FBXW11: variants seen among roughly 807,000 people sequenced by gnomAD.
FBXW11 encodes F-box/WD repeat-containing protein 11.
Under a neutral mutation model 77.6 loss-of-function variants are expected in FBXW11, and 19 were observed. The observed-to-expected ratio is 0.24, with a 90% CI of 0.17 to 0.36. The LOEUF is 0.36. Among genes scored for constraint, FBXW11 ranks in the 10% least tolerant of loss-of-function variants. FBXW11 has a pLI of 1.00. For missense variants in FBXW11, 334 were observed against 704.2 expected, an observed-to-expected ratio of 0.47 and a Z score of 5.95; for synonymous variants, 235 against 249.4, an observed-to-expected ratio of 0.94 and a Z score of 0.54.
chr5:171,982,564 G>C (rs188182645), intron 1 of FBXW11, among the ~76,000 whole-genome samples: 155 of 152,326 alleles, frequency 1.0e-3, no homozygotes, highest in African/African-American at 3.6e-3. Flanking sequence ...CGCCCAGCCA[G>C]AAGGGCTAAA....
chr5:171,893,820 T>G (rs1279226104), intron 6 of FBXW11, among the ~76,000 whole-genome samples: 1 of 152,162 alleles, frequency 6.6e-6, no homozygotes, highest in Non-Finnish European at 1.5e-5. Context: ...ATATGTCAAG[T>G]GTTATCAAGC....
intron 7 of FBXW11, among the ~76,000 whole-genome samples, chr5:171,885,545 T>C (rs1190831035): frequency 2.6e-5 from 4 of 152,226 alleles, no homozygotes; most frequent in African/African-American, 9.6e-5. Flanking sequence ...CTAAGTAGAA[T>C]GGTTGATTTT....
intron 1 of FBXW11, among the ~76,000 whole-genome samples, chr5:171,990,292 T>C (rs1016879363): frequency 2.0e-5 from 3 of 152,156 alleles, no homozygotes; most frequent in African/African-American, 7.2e-5. Context: ...TTTTTCATAA[T>C]AAAAAGTTAA....
intron 7 of FBXW11, among the ~76,000 whole-genome samples, chr5:171,887,493 T>A (rs1419602479): frequency 6.6e-6 from 1 of 151,712 alleles, no homozygotes; most frequent in Non-Finnish European, 1.5e-5. Flanking sequence ...CTACAATCTA[T>A]CTCTCCAGTT....
chr5:171,916,102 AGG>A lies in FBXW11; in HGVS notation c.148-1699_148-1698del, dbSNP rs1581196471. ...CTGGGGCCTGTCGTGGGGTGGGGGG[AGG>A]TGGGGGGATAGCATTAGGAGATATA... is the stretch of plus-strand genomic sequence containing the variant. On this transcript the variant is annotated intron_variant, in intron 2 of 13. Transcript: ENST00000517395. Among the ~76,000 whole-genome samples, 9 of 107,922 alleles carry A rather than the reference AGG, an allele frequency of 8.3e-5. No homozygotes were observed. The East Asian group carries it at 1.4e-3, about 17-fold the overall frequency. The allele number at this position is 107,922 out of a possible 152,430, so 70.8% of individuals were successfully genotyped here.
At position 171,954,185 on chromosome 5, in the gene FBXW11, G is replaced by A. The variant is rs1763503668; in HGVS notation, c.147+3412C>T. Among the ~76,000 whole-genome samples, 2 of 152,190 alleles carry A rather than the reference G, an allele frequency of 1.3e-5. 1 individual carries two copies. Among genetic ancestry groups the A allele is most frequent in the South Asian group, 4.1e-4 (2 of 4,832 alleles). ...TAAATTTTTAACTCCAAAAATTAAG[G>A]GGAATTTGTTTCAACCTAAAAATGG... On this transcript the variant is annotated intron_variant, in intron 2 of 13. Transcript: ENST00000517395.
At chr5:171,969,784 C>G (rs1300528617) in intron 1 of FBXW11, among the ~76,000 whole-genome samples, 1 of 152,206 alleles carries the variant, frequency 6.6e-6, no homozygotes, top group Non-Finnish European at 1.5e-5. Flanking sequence ...TCACTGCAAC[C>G]TCTGCCTCCC....
At chr5:171,879,505 C>T (rs773011266) in intron 7 of FBXW11, among the ~76,000 whole-genome samples, 12 of 152,172 alleles carry the variant, frequency 7.9e-5, no homozygotes, top group Non-Finnish European at 1.6e-4. Context: ...TGTTTAGTTT[C>T]GTAAGAATGC....
chr5:171,937,740 A>T (rs1762549461), intron 2 of FBXW11, among the ~76,000 whole-genome samples: 2 of 151,590 alleles, frequency 1.3e-5, no homozygotes. Context: ...AGGTAAGAGG[A>T]TCACTTGAAC....
intron 4 of FBXW11, among the ~76,000 whole-genome samples, chr5:171,907,047 T>C (rs1581181605): frequency 6.6e-6 from 1 of 152,354 alleles, no homozygotes; most frequent in Non-Finnish European, 1.5e-5. Context: ...CTGTCCCTAC[T>C]TTACATGGTA....
rs921600679 is a variant in FBXW11 at position 171,924,416 on chromosome 5, C to G, written c.148-10011G>C. 3.3e-5 allele frequency among the ~76,000 whole-genome samples: 5 copies of G among 152,292 alleles called. No homozygotes were observed. In the East Asian group the frequency reaches 7.7e-4, roughly 24 times the overall value. ...ACTTACTGCCCGCACCTCTCCCATT[C>G]TGTGACTATTAAAAACCCTGAACTC... On this transcript the variant is annotated intron_variant, in intron 2 of 13. Transcript: ENST00000517395.
At chr5:171,955,330 A>G (rs1203879274) in intron 2 of FBXW11, among the ~76,000 whole-genome samples, 1 of 152,234 alleles carries the variant, frequency 6.6e-6, no homozygotes, top group African/African-American at 2.4e-5. Context: ...AGAGACCAGG[A>G]AAGAACCAGG....
intron 2 of FBXW11, among the ~76,000 whole-genome samples, chr5:171,928,164 G>T (rs1761984520): frequency 6.6e-6 from 1 of 152,194 alleles, no homozygotes; most frequent in Non-Finnish European, 1.5e-5. Flanking sequence ...TAGTAAAAAT[G>T]AGAGTGCATA....
rs183988218 is a variant in FBXW11, at chr5:171,996,085, G to A, written c.45+10373C>T. ...GCCAATTAAGTAATATATGTAAAGT[G>A]CATACAAGGGTAACTGGCATGTAGC... On this transcript the variant is annotated intron_variant, in intron 1 of 13. Transcript: ENST00000517395. Among the ~76,000 whole-genome samples, 19 of 152,252 alleles carry A rather than the reference G, an allele frequency of 1.2e-4. No homozygotes were observed. In the East Asian group the frequency reaches 3.1e-3, roughly 25 times the overall value.
At chr5:171,993,100 C>T (rs1013918977) in intron 1 of FBXW11, among the ~76,000 whole-genome samples, 3 of 151,316 alleles carry the variant, frequency 2.0e-5, no homozygotes, top group African/African-American at 4.9e-5. Flanking sequence ...AAGAGGTGAA[C>T]GAAGAGGCTT....
At chr5:171,918,468 T>C (rs953337964) in intron 2 of FBXW11, among the ~76,000 whole-genome samples, 1 of 152,210 alleles carries the variant, frequency 6.6e-6, no homozygotes, top group East Asian at 1.9e-4. Flanking sequence ...CAAACTCTCA[T>C]GTGAAACCAT....
chr5:171,981,223 T>C (rs1367249822), intron 1 of FBXW11, among the ~76,000 whole-genome samples: 1 of 152,064 alleles, frequency 6.6e-6, no homozygotes, highest in Non-Finnish European at 1.5e-5. Flanking sequence ...AGGAGGATGG[T>C]ATACCCCAAC....
At chr5:171,961,582 A>G (rs1344826938) in intron 1 of FBXW11, among the ~76,000 whole-genome samples, 1 of 152,194 alleles carries the variant, frequency 6.6e-6, no homozygotes, top group Non-Finnish European at 1.5e-5. Flanking sequence ...ATAATGGATA[A>G]AAATAAAAGT....
intron 7 of FBXW11, among the ~76,000 whole-genome samples, chr5:171,890,566 T>C (rs987351553): frequency 1.3e-5 from 2 of 151,528 alleles, no homozygotes; most frequent in Non-Finnish European, 1.5e-5. Flanking sequence ...AGCTGGGCAG[T>C]TTCTTAGCAG....
Sources: gnomAD v4.1 joint callset for allele counts (sites outside exome capture counted in the v4.1 genomes callset) on GRCh38, gnomAD v4.1.1 for gene constraint, MANE v1.5 for transcripts, NCBI Gene and HGNC (gene_info 2026-07-23, HGNC 2026-07-21) for gene names.